Variants in CELF4 observed in about 807,000 individuals in gnomAD.
CELF4 encodes the protein CUG-BP- and ETR-3-like factor 4.
Under a neutral mutation model 59.9 loss-of-function variants are expected in CELF4, and 18 were observed. That is an observed-to-expected ratio of 0.30 (90% confidence interval 0.21 to 0.45). The LOEUF is 0.45. Ranked by LOEUF, CELF4 falls within the 20% of genes least tolerant of loss-of-function variation. The pLI, the probability that CELF4 is intolerant of heterozygous loss-of-function variation, is 1.00. For synonymous variants in CELF4, 261 were observed against 267.1 expected, an observed-to-expected ratio of 0.98 and a Z score of 0.22; for missense variants, 456 against 689.0, an observed-to-expected ratio of 0.66 and a Z score of 3.79.
chr18:37,375,744 G>A (rs1374574767), intron 2 of CELF4, among the ~76,000 whole-genome samples: 3 of 152,144 alleles, frequency 2.0e-5, no homozygotes, highest in African/African-American at 7.2e-5. Context: ...AGGCCTGAGT[G>A]TGTGGGATGC....
intron 1 of CELF4, among the ~76,000 whole-genome samples, chr18:37,497,951 C>G (rs1339209486): frequency 6.6e-6 from 1 of 152,204 alleles, no homozygotes; most frequent in Non-Finnish European, 1.5e-5. Context: ...GTGACCAGGT[C>G]CCTGATAGAG....
chr18:37,538,993 C>T (rs1285832479), intron 1 of CELF4, among the ~76,000 whole-genome samples: 5 of 152,198 alleles, frequency 3.3e-5, no homozygotes, highest in African/African-American at 1.2e-4. Context: ...CAGCAGCTCC[C>T]TCCCTGCCCC....
At chr18:37,320,208 C>T (rs1268785510) in intron 3 of CELF4, among the ~76,000 whole-genome samples, 2 of 152,050 alleles carry the variant, frequency 1.3e-5, no homozygotes, top group East Asian at 1.9e-4. Context: ...TGGCGGCATG[C>T]GCCTGTAGTC....
rs149069044 is a variant in CELF4 at position 37,405,899 on chromosome 18, G to A, written c.369+79626C>T. 3.7e-4 allele frequency among the ~76,000 whole-genome samples: 57 copies of A among 152,208 alleles called. 1 individual carries two copies. The East Asian group carries it at 8.7e-3, about 23-fold the overall frequency. The stretch of plus-strand genomic sequence containing the variant: ...GGGCTGGGCTGGCCCCCCTCCAGCC[G>A]GGAGTGGAAAAATCCATCACGAACC... On this transcript the variant is annotated intron_variant, in intron 2 of 12. Coordinates refer to ENST00000420428, the MANE Select transcript of CELF4 (RefSeq NM_020180.4).
chr18:37,353,767 CTTTTTTTTTT>C (rs35838731), intron 2 of CELF4, among the ~76,000 whole-genome samples: 1 of 90,920 alleles, frequency 1.1e-5, no homozygotes, highest in African/African-American at 4.1e-5. Flanking sequence ...GCAGTTCTTT[CTTTTTTTTTT>C]TTTTTTTGAG....
intron 3 of CELF4, among the ~76,000 whole-genome samples, chr18:37,293,951 A>G (rs1477707624): frequency 6.6e-6 from 1 of 152,178 alleles, no homozygotes; most frequent in Non-Finnish European, 1.5e-5. Context: ...CCAACCAACT[A>G]GCAAACCAAA....
At chr18:37,529,862 C>G (rs28593238) in intron 1 of CELF4, among the ~76,000 whole-genome samples, 3,441 of 152,306 alleles carry the variant, frequency 0.023, 139 homozygotes, top group African/African-American at 0.079. Flanking sequence ...CACCCACAGA[C>G]ATTCTGATTC....
chr18:37,343,560 A>G (rs181694853), intron 2 of CELF4, among the ~76,000 whole-genome samples: 256 of 151,908 alleles, frequency 1.7e-3, no homozygotes, highest in Non-Finnish European at 2.7e-3. Flanking sequence ...CACCCCTGGT[A>G]TATGTGGTGC....
chr18:37,291,931 G>A (rs774829128), intron 3 of CELF4, among the ~76,000 whole-genome samples: 3 of 152,002 alleles, frequency 2.0e-5, no homozygotes, highest in Admixed American at 1.3e-4. Context: ...AAATTCACAC[G>A]CTGAAATTCT....
chr18:37,363,817 T>A (rs1410033856), intron 2 of CELF4, among the ~76,000 whole-genome samples: 1 of 152,086 alleles, frequency 6.6e-6, no homozygotes, highest in Admixed American at 6.5e-5. Flanking sequence ...CCCTCCCACA[T>A]CTGTGCCTTT....
intron 1 of CELF4, among the ~76,000 whole-genome samples, chr18:37,527,037 G>A (rs779176435): frequency 5.9e-5 from 9 of 152,030 alleles, no homozygotes; most frequent in Non-Finnish European, 1.0e-4. Flanking sequence ...ATTTATTTAC[G>A]TAAGCCCCAA....
Position 37,327,946 on chromosome 18 carries a change from C to T in CELF4, c.370-6065G>A, listed in dbSNP as rs762169166. ...GTCTAGGTTTGAAGCTCACCTCCTA[C>T]AGGGAGGCTTCCTGATTGTCACACA... On this transcript the variant is annotated intron_variant, in intron 2 of 12. Transcript: ENST00000420428. 5.3e-5 allele frequency among the ~76,000 whole-genome samples: 8 copies of T among 152,236 alleles called. No individual in the cohort carries two copies. The East Asian group carries it at 1.5e-3, about 29-fold the overall frequency.
At chr18:37,278,348 A>G (rs1457644002) in intron 3 of CELF4, among the ~76,000 whole-genome samples, 1 of 152,064 alleles carries the variant, frequency 6.6e-6, no homozygotes, top group Non-Finnish European at 1.5e-5. Flanking sequence ...ACCAACTCAA[A>G]TGTCTGCTTC....
At chr18:37,500,236 A>G (rs2099929998) in intron 1 of CELF4, among the ~76,000 whole-genome samples, 1 of 152,188 alleles carries the variant, frequency 6.6e-6, no homozygotes, top group African/African-American at 2.4e-5. Context: ...GGCGGCAGCC[A>G]TGGCTGGGGA....
chr18:37,536,871 T>C (rs937662965), intron 1 of CELF4, among the ~76,000 whole-genome samples: 39 of 152,322 alleles, frequency 2.6e-4, no homozygotes, highest in African/African-American at 8.9e-4. Flanking sequence ...TGATGTGAGC[T>C]GTGCTCTGCG....
At chr18:37,425,761 G>T (rs1306833970) in intron 2 of CELF4, among the ~76,000 whole-genome samples, 1 of 152,236 alleles carries the variant, frequency 6.6e-6, no homozygotes, top group Non-Finnish European at 1.5e-5. Context: ...AGAAACTACA[G>T]CTGCTTGGCG....
At chr18:37,554,453 T>C (rs2099984178) in intron 1 of CELF4, among the ~76,000 whole-genome samples, 1 of 152,138 alleles carries the variant, frequency 6.6e-6, no homozygotes, top group South Asian at 2.1e-4. Context: ...AGGGGAGCAC[T>C]CTACCTCAAG....
intron 1 of CELF4, among the ~76,000 whole-genome samples, chr18:37,501,213 CAGGAT>C (rs2099931490): frequency 6.6e-6 from 1 of 152,216 alleles, no homozygotes; most frequent in African/African-American, 2.4e-5. Flanking sequence ...GCTCAGACGC[CAGGAT>C]AGGGTCCTTC....
At chr18:37,421,245 G>C (rs994972470) in intron 2 of CELF4, among the ~76,000 whole-genome samples, 1 of 152,236 alleles carries the variant, frequency 6.6e-6, no homozygotes, top group African/African-American at 2.4e-5. Context: ...TGAACACGAA[G>C]CATGTTATGA....
Sources: allele counts gnomAD v4.1 joint callset (sites outside exome capture counted in the v4.1 genomes callset), GRCh38; gene constraint gnomAD v4.1.1; transcripts MANE v1.5; gene names NCBI Gene and HGNC (gene_info 2026-07-23, HGNC 2026-07-21).